Variants in FAM174B observed in about 807,000 individuals in gnomAD.
The protein encoded by FAM174B is family with sequence similarity 174 member B, also known as membrane protein FAM174B.
FAM174B carries 12 observed loss-of-function variants against 10.9 expected under a neutral mutation model. That is an observed-to-expected ratio of 1.10 (90% CI 0.71 to 1.79). The LOEUF is 1.79. FAM174B is among the 40% of genes most tolerant of loss of function. FAM174B has a pLI of 0.00. For synonymous variants in FAM174B, 132 were observed against 115.8 expected (o/e 1.14, Z -0.90); for missense variants, 266 against 233.3 (o/e 1.14, Z -0.91).
chr15:92,655,008 G>T, intron 1 of FAM174B: 1 of 239,430 alleles, frequency 4.2e-6, no homozygotes, highest in Non-Finnish European at 7.9e-6. Context: ...TATGGGAAAC[G>T]CTGTCAGAAT....
At chr15:92,633,252 C>A (rs1352152597) in intron 1 of FAM174B, among the ~76,000 whole-genome samples, 1 of 152,142 alleles carries the variant, frequency 6.6e-6, no homozygotes, top group Admixed American at 6.6e-5. Context: ...GAGAAACTCT[C>A]CAGTAAGTTG....
At chr15:92,636,224 G>C (rs937731870) in intron 1 of FAM174B, among the ~76,000 whole-genome samples, 2 of 152,092 alleles carry the variant, frequency 1.3e-5, no homozygotes, top group African/African-American at 2.4e-5. Flanking sequence ...TGAGGCAGGA[G>C]AATCACTTGA....
At chr15:92,650,192 C>T (rs2050956750) in intron 1 of FAM174B, among the ~76,000 whole-genome samples, 1 of 152,126 alleles carries the variant, frequency 6.6e-6, no homozygotes, top group Admixed American at 6.6e-5. Flanking sequence ...TGTAAATACA[C>T]ACACAATAGA....
intron 2 of FAM174B, among the ~76,000 whole-genome samples, chr15:92,622,904 C>T (rs1051984412): frequency 1.7e-4 from 26 of 152,152 alleles, no homozygotes; most frequent in African/African-American, 5.6e-4. Flanking sequence ...TCACACCTGC[C>T]CAGCATTTCG....
At chr15:92,630,057 C>A in intron 2 of FAM174B, 157 bp downstream of exon 2, 2 of 564,822 alleles carry the variant, frequency 3.5e-6, no homozygotes, top group Non-Finnish European at 6.2e-6. Context: ...TGAAAATGGA[C>A]TAACACAAGA....
chr15:92,617,535 C>T lies in FAM174B; in HGVS notation c.*1921G>A. On this transcript the variant is annotated 3_prime_UTR_variant, in exon 3 of 3. Transcript: ENST00000327355. ...AGGTCACTTTCAGCAGCCGCCATTT[C>T]TGCCAGGACCAGTGGCAAGCACCTG... is the stretch of plus-strand genomic sequence containing the variant. The T allele has an allele frequency of 2.0e-6, 1 of 506,582 alleles. No individual in the cohort carries two copies. The highest frequency in any genetic ancestry group is 3.5e-5 in the East Asian group (1 of 28,866). 31.4% of individuals were successfully genotyped at this position (506,582 alleles called of 1,614,324 possible).
chr15:92,632,937 A>G (rs931147614), intron 1 of FAM174B, among the ~76,000 whole-genome samples: 6 of 152,176 alleles, frequency 3.9e-5, no homozygotes, highest in Admixed American at 3.9e-4. Context: ...AGGCTGCGAT[A>G]TGTATCAGAA....
intron 2 of FAM174B, among the ~76,000 whole-genome samples, chr15:92,626,319 CG>C (rs1158499022): frequency 1.3e-5 from 2 of 151,932 alleles, no homozygotes; most frequent in South Asian, 2.1e-4. Context: ...AGGATGGTCT[CG>C]ATCTCCTGAC....
intron 2 of FAM174B, chr15:92,619,835 T>G: frequency 7.4e-6 from 2 of 271,604 alleles, no homozygotes; most frequent in East Asian, 7.2e-5. Flanking sequence ...ATCACGGTGA[T>G]AACTCCTCAA....
intron 1 of FAM174B, among the ~76,000 whole-genome samples, chr15:92,646,345 G>A (rs1353866193): frequency 6.6e-6 from 1 of 152,176 alleles, no homozygotes; most frequent in Non-Finnish European, 1.5e-5. Context: ...GCTGCAATGG[G>A]AAGGGTGAGG....
intron 1 of FAM174B, among the ~76,000 whole-genome samples, chr15:92,635,153 A>T (rs1260605652): frequency 1.2e-5 from 1 of 86,376 alleles, no homozygotes; most frequent in East Asian, 3.2e-4. Context: ...TTCGCTCACT[A>T]TCTCTCCACA....
intron 1 of FAM174B, among the ~76,000 whole-genome samples, chr15:92,651,296 A>G (rs1454906009): frequency 2.0e-5 from 3 of 152,152 alleles, no homozygotes; most frequent in African/African-American, 7.2e-5. Flanking sequence ...TGTACACCCC[A>G]GATGCTCTCA....
chr15:92,637,042 C>T (rs2050860590), intron 1 of FAM174B, among the ~76,000 whole-genome samples: 3 of 152,234 alleles, frequency 2.0e-5, no homozygotes, highest in Admixed American at 6.5e-5. Flanking sequence ...TCTGTATCCT[C>T]TGTGCCCTGG....
intron 1 of FAM174B, among the ~76,000 whole-genome samples, chr15:92,632,664 C>A (rs2050826994): frequency 6.6e-6 from 1 of 150,944 alleles, no homozygotes; most frequent in African/African-American, 2.4e-5. Context: ...TGCACACCAC[C>A]ACAACCTGGC....
intron 1 of FAM174B, among the ~76,000 whole-genome samples, chr15:92,640,027 TC>T (rs2050879979): frequency 6.6e-6 from 1 of 152,162 alleles, no homozygotes. Context: ...CACACTGGAA[TC>T]TAGTATAGGA....
At chr15:92,627,927 C>G (rs1484330007) in intron 2 of FAM174B, among the ~76,000 whole-genome samples, 1 of 152,152 alleles carries the variant, frequency 6.6e-6, no homozygotes, top group Non-Finnish European at 1.5e-5. Flanking sequence ...CCTAGGTACA[C>G]GGACATCCCT....
intron 2 of FAM174B, among the ~76,000 whole-genome samples, chr15:92,624,854 C>T (rs1295291485): frequency 1.3e-5 from 2 of 152,180 alleles, no homozygotes; most frequent in East Asian, 1.9e-4. Flanking sequence ...TCACAGCTGC[C>T]GGGCCGCCTG....
In FAM174B at chr15:92,617,710, G is replaced by C; in HGVS notation, c.*1746C>G. On this transcript the variant is annotated 3_prime_UTR_variant, in exon 3 of 3. Coordinates refer to ENST00000327355, the MANE Select transcript of FAM174B (RefSeq NM_207446.3). ...AGCTGCGAGGTGGCCAGGCTCCCGTGAGTCACCACTCAGGCCTGAGTACAC... is the reference window on the plus strand; with the variant it reads ...AGCTGCGAGGTGGCCAGGCTCCCGTCAGTCACCACTCAGGCCTGAGTACAC... 1 of 682,408 alleles carries C rather than the reference G, an allele frequency of 1.5e-6. No individual in the cohort carries two copies. Among genetic ancestry groups the C allele is most frequent in the Non-Finnish European group, 2.6e-6 (1 of 377,846 alleles). 42.3% of individuals were successfully genotyped at this position (682,408 alleles called of 1,614,324 possible).
intron 1 of FAM174B, among the ~76,000 whole-genome samples, chr15:92,650,657 G>T (rs1339019427): frequency 1.3e-5 from 2 of 152,230 alleles, no homozygotes; most frequent in African/African-American, 2.4e-5. Context: ...TGTTCTGAGT[G>T]AATGTAGGGG....
Sources: gnomAD v4.1 joint callset for allele counts (sites outside exome capture counted in the v4.1 genomes callset) on GRCh38, gnomAD v4.1.1 for gene constraint, MANE v1.5 for transcripts, NCBI Gene and HGNC (gene_info 2026-07-23, HGNC 2026-07-21) for gene names.